Variants in RHOBTB3 observed in about 807,000 individuals in gnomAD.
RHOBTB3 encodes rho-related BTB domain-containing protein 3.
RHOBTB3 carries 47 observed loss-of-function variants against 67.2 expected under a neutral mutation model. The ratio of observed to expected loss-of-function variants is 0.70; its 90% CI spans 0.55 to 0.89. The LOEUF (loss-of-function observed/expected upper bound fraction) is 0.89. Among genes scored for constraint, RHOBTB3 ranks in the 40% least tolerant of loss-of-function variants. The pLI, the probability that RHOBTB3 is intolerant of heterozygous loss-of-function variation, is 0.00. For missense variants in RHOBTB3, 631 were observed against 750.0 expected (o/e 0.84, Z 1.85); for synonymous variants, 273 against 274.2 (o/e 1.00, Z 0.04).
chr5:95,754,425 G>C (rs896282433), intron 5 of RHOBTB3, among the ~76,000 whole-genome samples: 95 of 152,286 alleles, frequency 6.2e-4, no homozygotes, highest in African/African-American at 2.2e-3. Context: ...TACAGTGCAG[G>C]GAGAGCCTGG....
rs777224599 is a variant in RHOBTB3, at chr5:95,780,250, A to G, written c.1283-2A>G. 4 of 1,612,936 alleles carry G rather than the reference A, an allele frequency of 2.5e-6. No individual in the cohort carries two copies. Among genetic ancestry groups the G allele is most frequent in the South Asian group, 1.1e-5 (1 of 91,002 alleles). On this transcript the variant is annotated splice_acceptor_variant, in intron 8 of 11. Transcript: ENST00000379982. LOFTEE classifies it high-confidence loss of function. ...TTCTTGTTTCCCTTTTGAACCTTTC[A>G]GGTACGACAGTGCCAGCCCACAGGG...
chr5:95,745,375 A>G (rs907222967), intron 3 of RHOBTB3, among the ~76,000 whole-genome samples: 1 of 152,182 alleles, frequency 6.6e-6, no homozygotes, highest in African/African-American at 2.4e-5. Flanking sequence ...TTCGGCTTAT[A>G]CTAAATATTG....
At chr5:95,773,075 A>C (rs575451659) in intron 8 of RHOBTB3, among the ~76,000 whole-genome samples, 13 of 152,356 alleles carry the variant, frequency 8.5e-5, no homozygotes, top group Admixed American at 1.3e-4. Flanking sequence ...TTATGTTAGC[A>C]TAACTCACTG....
intron 5 of RHOBTB3, 123 bp downstream of exon 5, chr5:95,752,473 A>T: frequency 1.4e-6 from 1 of 722,672 alleles, no homozygotes. Flanking sequence ...ATTCTGATTC[A>T]GTCAACCTGG....
chr5:95,741,521 C>CTTTT (rs1561441040), intron 3 of RHOBTB3, among the ~76,000 whole-genome samples: 6 of 78,478 alleles, frequency 7.6e-5, no homozygotes, highest in South Asian at 3.9e-4. Context: ...TTCTTTCTTT[C>CTTTT]TGTTTTTTTT....
At chr5:95,784,527 GCTT>G (rs1561456744) in intron 10 of RHOBTB3, among the ~76,000 whole-genome samples, 2 of 152,044 alleles carry the variant, frequency 1.3e-5, no homozygotes. Context: ...ATGTGTACAT[GCTT>G]CTTCTGGGCC....
intron 6 of RHOBTB3, among the ~76,000 whole-genome samples, chr5:95,762,915 G>T (rs1284558495): frequency 6.6e-6 from 1 of 152,178 alleles, no homozygotes. Context: ...AGAGAGTTTT[G>T]AAGTGGGCTA....
At chr5:95,774,894 C>CAT (rs146928735) in intron 8 of RHOBTB3, among the ~76,000 whole-genome samples, 168 of 150,986 alleles carry the variant, frequency 1.1e-3, no homozygotes, top group East Asian at 4.5e-3. Context: ...ATTTGTATTA[C>CAT]ATATATATAT....
At position 95,780,271 on chromosome 5, in the gene RHOBTB3, C is replaced by T. The variant is rs1247046722; in HGVS notation, c.1302C>T (p.His434=). The T allele has an allele frequency of 1.2e-6, 2 of 1,613,870 alleles. No homozygotes were observed. The highest frequency in any genetic ancestry group is 1.7e-6 in the Non-Finnish European group (2 of 1,179,756). ...FEIQGTTVPA[H]RAILVARCEV... is the part of the protein sequence containing the mutation. ...TTTCAGGTACGACAGTGCCAGCCCA[C>T]AGGGCCATCCTGGTGGCCCGTTGTG... Residue 434 remains histidine (H), a synonymous_variant, in exon 9 of 12, where the codon CAC becomes CAT. Coordinates refer to ENST00000379982, the MANE Select transcript of RHOBTB3 (RefSeq NM_014899.4).
chr5:95,768,191 T>C (rs762808666), intron 8 of RHOBTB3, 25 bp downstream of exon 8: 9 of 1,585,242 alleles, frequency 5.7e-6, no homozygotes, highest in African/African-American at 1.4e-5. Flanking sequence ...TTACAAAGTT[T>C]ATGATTCATT....
intron 3 of RHOBTB3, among the ~76,000 whole-genome samples, chr5:95,746,618 G>A (rs2112789008): frequency 6.6e-6 from 1 of 152,180 alleles, no homozygotes; most frequent in African/African-American, 2.4e-5. Flanking sequence ...TGTATCTTTG[G>A]AATCAGTAAT....
chr5:95,793,099 G>C lies in RHOBTB3; in HGVS notation c.1761G>C (p.Ser587=). 1.2e-6 allele frequency: 2 copies of C among 1,613,562 alleles called. No homozygotes were observed. The highest frequency in any genetic ancestry group is 8.5e-7 in the Non-Finnish European group (1 of 1,179,820). The part of the protein sequence containing the change: ...RSFVEKHRWP[S]NMYLKQLAEY... ...TTGTTGAAAAGCACAGATGGCCGTC[G>C]AATATGTACTTGAAGCAGCTTGCGG... The change falls in exon 12 of 12, where the codon TCG becomes TCC. Residue 587 remains serine, a synonymous_variant. Coordinates refer to ENST00000379982, the MANE Select transcript of RHOBTB3 (RefSeq NM_014899.4).
rs541862992 is a variant in RHOBTB3, at chr5:95,763,936, A to G, written c.1161+316A>G. Among the ~76,000 whole-genome samples, 7 of 151,894 alleles carry G rather than the reference A, an allele frequency of 4.6e-5. No homozygotes were observed. In the South Asian group the frequency reaches 1.2e-3, roughly 27 times the overall value. On this transcript the variant is annotated intron_variant, in intron 7 of 11. Transcript: ENST00000379982. ...TGATATCTCCCACCTCAGCCTCCCA[A>G]GGAGCTGGGACTATAGATATGCATC...
chr5:95,733,405 C>T lies in RHOBTB3; in HGVS notation c.228+1321C>T, dbSNP rs566632155. On this transcript the variant is annotated intron_variant, in intron 2 of 11. Coordinates refer to ENST00000379982, the MANE Select transcript of RHOBTB3 (RefSeq NM_014899.4). ...GCAGTTGAATAAATGTTTAGCGAAT[C>T]GAGTAAATGTAGGGAAAATAAAACT... Among the ~76,000 whole-genome samples the T allele has an allele frequency of 7.9e-5, 12 of 152,208 alleles. No individual in the cohort carries two copies. In the South Asian group the frequency reaches 2.3e-3, roughly 29 times the overall value.
chr5:95,743,943 A>C (rs1300105411), intron 3 of RHOBTB3, among the ~76,000 whole-genome samples: 1 of 150,654 alleles, frequency 6.6e-6, no homozygotes, highest in Non-Finnish European at 1.5e-5. Flanking sequence ...TCCTGACCTC[A>C]AGTTATCCAC....
At position 95,784,305 on chromosome 5, in the gene RHOBTB3, A is replaced by T. The variant is rs150337520; in HGVS notation, c.1623+342A>T. On this transcript the variant is annotated intron_variant, in intron 10 of 11. Coordinates refer to ENST00000379982, the MANE Select transcript of RHOBTB3 (RefSeq NM_014899.4). Reference sequence around the variant, plus strand: ...ATGTTGAATTTCCCCAAACAATCACATCTTCAGGTTCCTAAAAGGGAAATG... The same window carrying T: ...ATGTTGAATTTCCCCAAACAATCACTTCTTCAGGTTCCTAAAAGGGAAATG... Among the ~76,000 whole-genome samples the T allele has an allele frequency of 2.0e-3, 301 of 152,360 alleles. 1 individual carries two copies. The highest frequency in any genetic ancestry group is 3.5e-3 in the Non-Finnish European group (237 of 68,030).
At chr5:95,731,330 A>G, upstream of RHOBTB3, 1 of 1,090,150 alleles carries the variant, frequency 9.2e-7, no homozygotes, top group Non-Finnish European at 1.1e-6. Flanking sequence ...GAGCAGCGGC[A>G]GCGGCAGCAG....
chr5:95,764,480 A>T (rs1470016016), intron 7 of RHOBTB3, among the ~76,000 whole-genome samples: 1 of 152,206 alleles, frequency 6.6e-6, no homozygotes, highest in Admixed American at 6.5e-5. Context: ...ATTGCCATAG[A>T]CTGGTGCACA....
chr5:95,775,402 A>ATG (rs1185681114), intron 8 of RHOBTB3, among the ~76,000 whole-genome samples: 1 of 143,964 alleles, frequency 6.9e-6, no homozygotes, highest in Non-Finnish European at 1.5e-5. Context: ...GTATATATAT[A>ATG]TGTGTATATA....
Sources: allele counts gnomAD v4.1 joint callset (sites outside exome capture counted in the v4.1 genomes callset), GRCh38; gene constraint gnomAD v4.1.1; transcripts MANE v1.5; gene names NCBI Gene and HGNC (gene_info 2026-07-23, HGNC 2026-07-21).